Variants in TNNI3K observed in about 807,000 individuals in gnomAD.
TNNI3K encodes serine/threonine-protein kinase TNNI3K.
In TNNI3K, 140 loss-of-function variants were observed where a neutral mutation model predicts 114.5. The observed-to-expected ratio is 1.22, with a 90% CI of 1.07 to 1.41. The LOEUF (loss-of-function observed/expected upper bound fraction) is 1.41, where lower values mean the gene tolerates loss of function less well. Among genes scored for constraint, TNNI3K ranks in the 40% most tolerant of loss-of-function variants. The pLI is 0.00. For synonymous variants in TNNI3K, 347 were observed against 347.5 expected, an observed-to-expected ratio of 1.00 and a Z score of 0.02; for missense variants, 1,125 against 1,007.6, an observed-to-expected ratio of 1.12 and a Z score of -1.58.
Position 74,343,030 on chromosome 1 carries a change from A to G in TNNI3K, c.827+44A>G, listed in dbSNP as rs4650254. Reference sequence around the variant, plus strand: ...TCCATAGGTTCTCCAGGTATACTGCATGTACTTGCTTACAATATTAACAAG... The same window carrying G: ...TCCATAGGTTCTCCAGGTATACTGCGTGTACTTGCTTACAATATTAACAAG... On this transcript the variant is annotated intron_variant, in intron 8 of 24. Transcript: ENST00000326637. 9.2e-4 allele frequency: 1,483 copies of G among 1,613,450 alleles called. 24 individuals are homozygous for G. The South Asian group carries it at 0.015, about 17-fold the overall frequency.
intron 2 of TNNI3K, among the ~76,000 whole-genome samples, chr1:74,241,314 C>G (rs1276755538): frequency 1.3e-5 from 2 of 152,184 alleles, no homozygotes; most frequent in African/African-American, 4.8e-5. Flanking sequence ...ATGGCTGAGT[C>G]AAATGGTATT....
At chr1:74,518,106 C>G (rs889650472) in intron 23 of TNNI3K, among the ~76,000 whole-genome samples, 1 of 152,004 alleles carries the variant, frequency 6.6e-6, no homozygotes, top group Non-Finnish European at 1.5e-5. Context: ...AGATGGTGGA[C>G]CAGGAGGTTC....
At chr1:74,495,768 A>G (rs986110545) in intron 23 of TNNI3K, among the ~76,000 whole-genome samples, 1 of 152,146 alleles carries the variant, frequency 6.6e-6, no homozygotes, top group Non-Finnish European at 1.5e-5. Context: ...TAGGAGATGC[A>G]TGTTCCAGAA....
At chr1:74,270,344 A>G (rs1656264616) in intron 4 of TNNI3K, among the ~76,000 whole-genome samples, 1 of 151,662 alleles carries the variant, frequency 6.6e-6, no homozygotes, top group Admixed American at 6.6e-5. Flanking sequence ...AATAATAGAG[A>G]TAAAATCAGC....
chr1:74,353,855 A>C, intron 10 of TNNI3K, 125 bp from the exon 11 acceptor site: 1 of 1,347,500 alleles, frequency 7.4e-7, no homozygotes, highest in Non-Finnish European at 9.9e-7. Context: ...TCTTTATCAA[A>C]GAAATCAATC....
At position 74,239,844 on chromosome 1, in the gene TNNI3K, A is replaced by G. The variant is rs192704597; in HGVS notation, c.149+3634A>G. 1.6e-4 allele frequency: 68 copies of G among 432,656 alleles called. 1 individual carries two copies. Among genetic ancestry groups the G allele is most frequent in the African/African-American group, 1.3e-3 (65 of 48,794 alleles). 26.8% of individuals were successfully genotyped at this position (432,656 alleles called of 1,614,324 possible). ...AGTTATCCTGCTTATGCCAATTTAT[A>G]GCAGCTTTGGAATGGGAGCTTGATG... On this transcript the variant is annotated intron_variant, in intron 2 of 24. Coordinates refer to ENST00000326637, the MANE Select transcript of TNNI3K (RefSeq NM_015978.3).
At chr1:74,390,854 C>T in intron 17 of TNNI3K, among the ~76,000 whole-genome samples, 1 of 151,428 alleles carries the variant, frequency 6.6e-6, no homozygotes, top group East Asian at 1.9e-4. Context: ...TCTGAATAAT[C>T]CAAAGCAGCT....
intron 17 of TNNI3K, among the ~76,000 whole-genome samples, chr1:74,417,431 T>C (rs1570595228): frequency 6.6e-6 from 1 of 152,228 alleles, no homozygotes; most frequent in South Asian, 2.1e-4. Context: ...CCCATTGGCC[T>C]GGCCAAAACT....
chr1:74,473,986 C>T (rs1271288105), intron 21 of TNNI3K, among the ~76,000 whole-genome samples: 4 of 152,082 alleles, frequency 2.6e-5, no homozygotes, highest in Non-Finnish European at 5.9e-5. Flanking sequence ...GCAGATGTGA[C>T]CTTGGCTGTT....
chr1:74,305,141 G>A (rs1010704687), intron 5 of TNNI3K, among the ~76,000 whole-genome samples: 1 of 152,126 alleles, frequency 6.6e-6, no homozygotes, highest in Non-Finnish European at 1.5e-5. Flanking sequence ...TTACAAGTAG[G>A]AAAGGGATGT....
chr1:74,253,859 G>T (rs1206258477), intron 4 of TNNI3K, among the ~76,000 whole-genome samples: 2 of 152,194 alleles, frequency 1.3e-5, no homozygotes, highest in African/African-American at 4.8e-5. Flanking sequence ...AGGCCGAGAA[G>T]GCACCAAGAG....
intron 21 of TNNI3K, chr1:74,469,194 C>T (rs1667798756): frequency 6.6e-6 from 1 of 152,568 alleles, no homozygotes; most frequent in Non-Finnish European, 1.5e-5. Context: ...CTGAGATCTC[C>T]ACCTAGTGGA....
At chr1:74,258,270 C>CT (rs1655451928) in intron 4 of TNNI3K, among the ~76,000 whole-genome samples, 1 of 151,950 alleles carries the variant, frequency 6.6e-6, no homozygotes, top group Non-Finnish European at 1.5e-5. Context: ...GCAGTGCCCT[C>CT]TCTGTGCAGC....
intron 23 of TNNI3K, among the ~76,000 whole-genome samples, chr1:74,517,379 C>T (rs1646364613): frequency 6.6e-6 from 1 of 152,184 alleles, no homozygotes; most frequent in South Asian, 2.1e-4. Flanking sequence ...CAAAAATTTT[C>T]TGGCATTAGC....
chr1:74,344,346 T>C (rs1228961830), intron 9 of TNNI3K, among the ~76,000 whole-genome samples: 2 of 152,206 alleles, frequency 1.3e-5, no homozygotes, highest in African/African-American at 4.8e-5. Context: ...AAGAGAAAAC[T>C]GAGGCTCAGA....
At chr1:74,277,327 G>A (rs2100237266) in intron 5 of TNNI3K, among the ~76,000 whole-genome samples, 1 of 152,116 alleles carries the variant, frequency 6.6e-6, no homozygotes, top group East Asian at 1.9e-4. Flanking sequence ...CACATCTGTA[G>A]TCTTATACAT....
intron 5 of TNNI3K, among the ~76,000 whole-genome samples, chr1:74,290,705 T>C (rs1657625857): frequency 6.6e-6 from 1 of 151,758 alleles, no homozygotes; most frequent in Non-Finnish European, 1.5e-5. Flanking sequence ...AAGTTTTTTC[T>C]TTCTTTTTAG....
intron 24 of TNNI3K, chr1:74,541,623 G>C (rs1646727743): frequency 2.0e-5 from 3 of 152,224 alleles, no homozygotes; most frequent in Admixed American, 2.0e-4. Flanking sequence ...AAGGTTTCAA[G>C]ATGAAGCATT....
At chr1:74,357,513 G>A (rs1661728693) in intron 11 of TNNI3K, among the ~76,000 whole-genome samples, 1 of 152,036 alleles carries the variant, frequency 6.6e-6, no homozygotes, top group African/African-American at 2.4e-5. Flanking sequence ...AGTGTGATTT[G>A]GAGTTCTGGA....
Sources: allele counts gnomAD v4.1 joint callset (sites outside exome capture counted in the v4.1 genomes callset), GRCh38; gene constraint gnomAD v4.1.1; transcripts MANE v1.5; gene names NCBI Gene and HGNC (gene_info 2026-07-23, HGNC 2026-07-21).